GSTO1: variants seen among roughly 807,000 people sequenced by gnomAD.
GSTO1 encodes glutathione S-transferase omega 1, also known as glutathione S-transferase omega-1.
GSTO1 carries 27 observed loss-of-function variants against 23.8 expected under a neutral mutation model. The observed-to-expected ratio is 1.13, with a 90% CI of 0.83 to 1.56. GSTO1 has a LOEUF of 1.56. GSTO1 is among the 40% of genes most tolerant of loss of function. GSTO1 has a pLI of 0.00. For missense variants in GSTO1, 255 were observed against 285.8 expected, an observed-to-expected ratio of 0.89 and a Z score of 0.78; for synonymous variants, 105 against 109.3, an observed-to-expected ratio of 0.96 and a Z score of 0.25.
intron 4 of GSTO1, among the ~76,000 whole-genome samples, chr10:104,263,696 A>C (rs925875378): frequency 6.6e-6 from 1 of 152,174 alleles, no homozygotes; most frequent in Non-Finnish European, 1.5e-5. Flanking sequence ...CTTTCATGGG[A>C]ATGCATTTTA....
chr10:104,261,163 T>C (rs568230146), intron 3 of GSTO1, among the ~76,000 whole-genome samples: 9 of 152,302 alleles, frequency 5.9e-5, no homozygotes, highest in Admixed American at 5.2e-4. Context: ...TGAAAGGACT[T>C]GTAGGACACG....
Position 104,259,806 on chromosome 10 carries a change from CA to C in GSTO1, c.366+9del. On this transcript the variant is annotated intron_variant, in intron 3 of 5. Transcript: ENST00000369713. ...TTAGAGTTGTTTTCTAAGGTTTGTG[CA>C]TAAGAAATTTCAGCTCCTATTTGAA... 1 of 1,579,338 alleles carries C rather than the reference CA, an allele frequency of 6.3e-7. No homozygotes were observed. The highest frequency in any genetic ancestry group is 8.7e-7 in the Non-Finnish European group (1 of 1,150,802).
intron 2 of GSTO1, among the ~76,000 whole-genome samples, chr10:104,257,485 T>C (rs2011106023): frequency 6.6e-6 from 1 of 151,884 alleles, no homozygotes; most frequent in African/African-American, 2.4e-5. Context: ...AGACTACAGG[T>C]GAGTACCACC....
chr10:104,257,336 G>A (rs2011104987), intron 2 of GSTO1, among the ~76,000 whole-genome samples: 1 of 151,314 alleles, frequency 6.6e-6, no homozygotes, highest in African/African-American at 2.4e-5. Flanking sequence ...CTTATTTTGT[G>A]GGTGGATTTT....
chr10:104,262,190 A>C (rs2011143934), intron 3 of GSTO1, among the ~76,000 whole-genome samples: 1 of 152,212 alleles, frequency 6.6e-6, no homozygotes, highest in African/African-American at 2.4e-5. Flanking sequence ...ACAAGATAAA[A>C]TTCCAGAGTA....
intron 4 of GSTO1, among the ~76,000 whole-genome samples, chr10:104,264,946 T>C (rs1345831214): frequency 6.6e-6 from 1 of 152,240 alleles, no homozygotes; most frequent in East Asian, 1.9e-4. Context: ...CTTGATGGTA[T>C]GGCTGCCCAG....
chr10:104,267,396 T>TG lies in GSTO1; in HGVS notation c.720dup (p.Leu241AlafsTer19). The TG allele has an allele frequency of 6.2e-7, 1 of 1,610,072 alleles. No homozygotes were observed. The highest frequency in any genetic ancestry group is 8.5e-7 in the Non-Finnish European group (1 of 1,178,358). ...AGAACAGCCCTGAGGCCTGTGACTA[T>TG]GGGCTCTGAAGGGGGCAGGAGTCAG... On this transcript the variant is annotated frameshift_variant, in exon 6 of 6. Transcript: ENST00000369713. LOFTEE classifies it high-confidence loss of function.
chr10:104,267,449 T>C lies in GSTO1; in HGVS notation c.*44T>C. On this transcript the variant is annotated 3_prime_UTR_variant, in exon 6 of 6. Coordinates refer to ENST00000369713, the MANE Select transcript of GSTO1 (RefSeq NM_004832.3). ...ATAAAGCTATGTCTGATATTTTCCT[T>C]CACTAATATGAATAATAGCATGCTT... is the stretch of plus-strand genomic sequence containing the variant. 5 of 1,455,182 alleles carry C rather than the reference T, an allele frequency of 3.4e-6. No homozygotes were observed. The allele number at this position is 1,455,182 out of a possible 1,614,324, so 90.1% of individuals were successfully genotyped here. A position where few individuals can be genotyped will look rare whatever the true frequency, so the allele number is the denominator to read the frequency against.
At chr10:104,264,478 T>C (rs2011163342) in intron 4 of GSTO1, among the ~76,000 whole-genome samples, 1 of 152,158 alleles carries the variant, frequency 6.6e-6, no homozygotes. Flanking sequence ...AGTTTGGTGG[T>C]TTAAATAGCC....
chr10:104,254,891 T>C, upstream of GSTO1: 1 of 1,606,106 alleles, frequency 6.2e-7, no homozygotes, highest in Non-Finnish European at 8.5e-7. Context: ...CTGAATCCCC[T>C]GCAAACCCCA....
intron 3 of GSTO1, among the ~76,000 whole-genome samples, chr10:104,260,204 G>A (rs1233540668): frequency 6.6e-6 from 1 of 152,128 alleles, no homozygotes; most frequent in Non-Finnish European, 1.5e-5. Flanking sequence ...TCCCATCCGT[G>A]TGAACTTTTG....
chr10:104,263,755 T>C (rs891600615), intron 4 of GSTO1, among the ~76,000 whole-genome samples: 3 of 152,164 alleles, frequency 2.0e-5, no homozygotes, highest in Non-Finnish European at 4.4e-5. Flanking sequence ...TCAGAAACCT[T>C]TTTTTCATTA....
At chr10:104,263,625 C>T (rs1196190483) in intron 4 of GSTO1, among the ~76,000 whole-genome samples, 3 of 152,166 alleles carry the variant, frequency 2.0e-5, no homozygotes, top group Admixed American at 1.3e-4. Flanking sequence ...GTCTCTTGGC[C>T]TTGAAATATT....
chr10:104,266,692 T>G (rs1184651922), intron 5 of GSTO1, among the ~76,000 whole-genome samples: 1 of 151,154 alleles, frequency 6.6e-6, no homozygotes, highest in South Asian at 2.1e-4. Context: ...TGAGATCATG[T>G]CACTGAACTC....
intron 3 of GSTO1, among the ~76,000 whole-genome samples, 194 bp from the exon 4 acceptor site, chr10:104,262,785 A>G (rs954293833): frequency 1.3e-5 from 2 of 152,150 alleles, no homozygotes; most frequent in African/African-American, 4.8e-5. Context: ...AATCCTGACC[A>G]AGCCAGCATT....
At position 104,267,408 on chromosome 10, in the gene GSTO1, GGGGCA is replaced by G. The variant is rs1564839034; in HGVS notation, c.*6_*10del. On this transcript the variant is annotated 3_prime_UTR_variant, in exon 6 of 6. Transcript: ENST00000369713. ...AGGCCTGTGACTATGGGCTCTGAAG[GGGGCA>G]GGAGTCAGCAATAAAGCTATGTCTG... The G allele has an allele frequency of 1.3e-6, 2 of 1,584,572 alleles. No individual in the cohort carries two copies. Among genetic ancestry groups the G allele is most frequent in the South Asian group, 2.3e-5 (2 of 86,876 alleles).
intron 3 of GSTO1, among the ~76,000 whole-genome samples, chr10:104,262,002 T>C (rs971885783): frequency 7.2e-5 from 11 of 152,214 alleles, no homozygotes; most frequent in African/African-American, 2.2e-4. Context: ...CTCTTTGCAG[T>C]TGGGGCCAAG....
intron 5 of GSTO1, among the ~76,000 whole-genome samples, chr10:104,266,795 C>T (rs17116753): frequency 0.074 from 11,173 of 151,722 alleles, 1,364 homozygotes; most frequent in African/African-American, 0.26. Flanking sequence ...CGGGATTGTA[C>T]GACCAGTGTT....
chr10:104,263,751 AC>A (rs35874137), intron 4 of GSTO1, among the ~76,000 whole-genome samples: 1,856 of 152,082 alleles, frequency 0.012, 26 homozygotes, highest in African/African-American at 0.043. Context: ...TTTTTCAGAA[AC>A]CTTTTTTTCA....
Sources: gnomAD v4.1 joint callset for allele counts (sites outside exome capture counted in the v4.1 genomes callset) on GRCh38, gnomAD v4.1.1 for gene constraint, MANE v1.5 for transcripts, NCBI Gene and HGNC (gene_info 2026-07-23, HGNC 2026-07-21) for gene names.